PDCD6IP: variants seen among roughly 807,000 people sequenced by gnomAD.
PDCD6IP encodes programmed cell death 6 interacting protein.
In PDCD6IP, 43 loss-of-function variants were observed where a neutral mutation model predicts 103.7. The ratio of observed to expected loss-of-function variants is 0.41; its 90% CI spans 0.32 to 0.53. The LOEUF (loss-of-function observed/expected upper bound fraction) is 0.53, where lower values mean the gene tolerates loss of function less well. PDCD6IP is among the 20% of genes least tolerant of loss of function. PDCD6IP has a pLI of 0.16. For missense variants in PDCD6IP, 871 were observed against 1,036.7 expected, an observed-to-expected ratio of 0.84 and a Z score of 2.20; for synonymous variants, 354 against 378.7, an observed-to-expected ratio of 0.93 and a Z score of 0.76.
At chr3:33,853,080 C>T (rs537269990) in intron 13 of PDCD6IP, among the ~76,000 whole-genome samples, 3 of 152,200 alleles carry the variant, frequency 2.0e-5, no homozygotes, top group South Asian at 2.1e-4. Flanking sequence ...CCCGCCACCA[C>T]GCCTGGCTAA....
At chr3:33,840,844 A>T (rs1158573280) in intron 9 of PDCD6IP, among the ~76,000 whole-genome samples, 1 of 152,248 alleles carries the variant, frequency 6.6e-6, no homozygotes, top group Non-Finnish European at 1.5e-5. Flanking sequence ...AAAAGAAAAA[A>T]ATAACTATTT....
intron 13 of PDCD6IP, 55 bp from the exon 14 acceptor site, chr3:33,853,824 G>A: frequency 7.9e-7 from 1 of 1,261,502 alleles, no homozygotes. Context: ...AAAATGTTAT[G>A]AGCTATATTA....
At chr3:33,854,100 C>A in intron 14 of PDCD6IP, 87 bp downstream of exon 14, 2 of 1,405,316 alleles carry the variant, frequency 1.4e-6, no homozygotes, top group Non-Finnish European at 1.9e-6. Context: ...TCCAGTTGAA[C>A]CAAATTGCTC....
At chr3:33,807,844 C>T (rs561677376) in intron 1 of PDCD6IP, among the ~76,000 whole-genome samples, 4 of 152,332 alleles carry the variant, frequency 2.6e-5, no homozygotes, top group African/African-American at 9.6e-5. Flanking sequence ...TTTTTCCCAG[C>T]AGAGTCTAGA....
Position 33,866,462 on chromosome 3 carries a change from A to G in PDCD6IP, c.2544A>G (p.Gly848=). Residue 848 remains glycine, a synonymous_variant, in exon 18 of 18, where the codon GGA becomes GGG. Transcript: ENST00000307296. The part of the protein sequence containing the change: ...HQSPGQAPYP[G]PQQPSYPFPQ... ...GTCCTGGACAGGCTCCATACCCGGGACCCCAGCAGCCTTCATACCCCTTCC... is the reference window on the plus strand; with the variant it reads ...GTCCTGGACAGGCTCCATACCCGGGGCCCCAGCAGCCTTCATACCCCTTCC... The G allele has an allele frequency of 6.2e-7, 1 of 1,612,070 alleles. No individual in the cohort carries two copies. Among genetic ancestry groups the G allele is most frequent in the Non-Finnish European group, 8.5e-7 (1 of 1,179,290 alleles).
At chr3:33,843,159 T>C (rs4560249) in intron 10 of PDCD6IP, among the ~76,000 whole-genome samples, 16,452 of 152,198 alleles carry the variant, frequency 0.11, 1,525 homozygotes, top group East Asian at 0.39. Flanking sequence ...TGTTTTTTCT[T>C]TTTTCTTTAG....
At chr3:33,866,248 A>G in intron 17 of PDCD6IP, 103 bp from the exon 18 acceptor site, 1 of 769,704 alleles carries the variant, frequency 1.3e-6, no homozygotes, top group Non-Finnish European at 2.0e-6. Context: ...ATAGACTAAA[A>G]AATAGAAATG....
At chr3:33,859,710 A>T (rs1697909905) in intron 15 of PDCD6IP, among the ~76,000 whole-genome samples, 1 of 152,206 alleles carries the variant, frequency 6.6e-6, no homozygotes, top group African/African-American at 2.4e-5. Flanking sequence ...AATAGATTTC[A>T]TACATTGCCG....
chr3:33,866,387 T>G lies in PDCD6IP; in HGVS notation c.2469T>G (p.Pro823=). Residue 823 remains proline, a synonymous_variant, in exon 18 of 18, where the codon CCT becomes CCG. Coordinates refer to ENST00000307296, the MANE Select transcript of PDCD6IP (RefSeq NM_013374.6). ...CQMPMPMGYN[P]YAYGQYNMPY... Reference sequence around the variant, plus strand: ...TGCCCATGCCCATGGGCTATAATCCTTATGCGTATGGCCAGTATAATATGC... The same window carrying G: ...TGCCCATGCCCATGGGCTATAATCCGTATGCGTATGGCCAGTATAATATGC... 6.2e-7 allele frequency: 1 copy of G among 1,600,004 alleles called. No homozygotes were observed. Among genetic ancestry groups the G allele is most frequent in the Non-Finnish European group, 8.5e-7 (1 of 1,173,974 alleles).
intron 13 of PDCD6IP, among the ~76,000 whole-genome samples, chr3:33,852,985 G>A (rs1199929124): frequency 2.0e-5 from 3 of 149,372 alleles, no homozygotes; most frequent in Admixed American, 6.7e-5. Context: ...GTGCAGTGGC[G>A]CGATCTTGGC....
At chr3:33,841,070 C>T (rs975160038) in intron 9 of PDCD6IP, among the ~76,000 whole-genome samples, 5 of 150,918 alleles carry the variant, frequency 3.3e-5, no homozygotes, top group Admixed American at 2.0e-4. Flanking sequence ...CTCTGTCGCC[C>T]AGGCTGGAAT....
chr3:33,810,301 T>G (rs1696687371), intron 1 of PDCD6IP, among the ~76,000 whole-genome samples: 2 of 152,208 alleles, frequency 1.3e-5, no homozygotes, highest in South Asian at 4.1e-4. Context: ...TTTTTACTGT[T>G]ATTTTATTTA....
intron 12 of PDCD6IP, among the ~76,000 whole-genome samples, chr3:33,846,824 A>G (rs1433510683): frequency 6.6e-6 from 1 of 152,204 alleles, no homozygotes; most frequent in African/African-American, 2.4e-5. Context: ...TTGAAGGCCT[A>G]CTATTCCAGA....
chr3:33,826,425 A>G, intron 5 of PDCD6IP, 55 bp from the exon 6 acceptor site: 2 of 1,215,874 alleles, frequency 1.6e-6, no homozygotes, highest in East Asian at 4.8e-5. Context: ...TTATACTGAG[A>G]CATGTCAGAT....
chr3:33,837,886 C>A (rs1365503615), intron 8 of PDCD6IP, among the ~76,000 whole-genome samples: 1 of 152,178 alleles, frequency 6.6e-6, no homozygotes, highest in Non-Finnish European at 1.5e-5. Flanking sequence ...CTGCTCCCGG[C>A]CCCTCATTCA....
In PDCD6IP at chr3:33,859,875, G is replaced by C. The variant is rs1004198400; in HGVS notation, c.2121-4131G>C. On this transcript the variant is annotated intron_variant, in intron 15 of 17. Coordinates refer to ENST00000307296, the MANE Select transcript of PDCD6IP (RefSeq NM_013374.6). The stretch of plus-strand genomic sequence containing the variant: ...TATGCTAGAAATGACATATTTATGA[G>C]CTTATTCATTTCTACATTGCAAATA... 7.9e-5 allele frequency among the ~76,000 whole-genome samples: 12 copies of C among 152,284 alleles called. No homozygotes were observed. In the South Asian group the frequency reaches 1.7e-3, roughly 21 times the overall value.
At chr3:33,824,239 A>T (rs1697059732) in intron 4 of PDCD6IP, among the ~76,000 whole-genome samples, 1 of 150,150 alleles carries the variant, frequency 6.7e-6, no homozygotes, top group African/African-American at 2.4e-5. Flanking sequence ...TTGTCTATTT[A>T]TCTAACTCAT....
In PDCD6IP at chr3:33,823,705, C is replaced by T. The variant is rs578203430; in HGVS notation, c.463-1482C>T. ...GCTGAGGCAGGAGAATCTCTTGAAC[C>T]GAGGAGGCGGAGGTTGCAGAGAGCT... On this transcript the variant is annotated intron_variant, in intron 4 of 17. Transcript: ENST00000307296. 1.1e-4 allele frequency among the ~76,000 whole-genome samples: 17 copies of T among 152,180 alleles called. 1 individual carries two copies. The South Asian group carries it at 1.2e-3, about 11-fold the overall frequency.
At position 33,798,716 on chromosome 3, in the gene PDCD6IP, G is replaced by A; in HGVS notation, c.-13G>A. 1 of 1,541,966 alleles carries A rather than the reference G, an allele frequency of 6.5e-7. No individual in the cohort carries two copies. The highest frequency in any genetic ancestry group is 8.8e-7 in the Non-Finnish European group (1 of 1,139,086). ...CGGTCTGTTTGGCCCGAACGGCGGC[G>A]GAGGCGCTGATCATGGCGACATTCA... On this transcript the variant is annotated 5_prime_UTR_variant, in exon 1 of 18. Transcript: ENST00000307296.
Sources: allele counts gnomAD v4.1 joint callset (sites outside exome capture counted in the v4.1 genomes callset), GRCh38; gene constraint gnomAD v4.1.1; transcripts MANE v1.5; gene names NCBI Gene and HGNC (gene_info 2026-07-23, HGNC 2026-07-21).